Variants in FAT3 observed in about 807,000 individuals in gnomAD.
The protein encoded by FAT3 is FAT atypical cadherin 3.
Under a neutral mutation model 310.2 loss-of-function variants are expected in FAT3, and 95 were observed. That is an observed-to-expected ratio of 0.31 (90% CI 0.26 to 0.36). The LOEUF is 0.36. Ranked by LOEUF, FAT3 falls within the 10% of genes least tolerant of loss-of-function variation. FAT3 has a pLI of 1.00. For synonymous variants in FAT3, 2,314 were observed against 2,192.9 expected (o/e 1.06, Z -1.54); for missense variants, 5,408 against 5,715.6 (o/e 0.95, Z 1.74).
chr11:92,794,327 G>GT (rs1267969660), intron 9 of FAT3, among the ~76,000 whole-genome samples: 1 of 151,878 alleles, frequency 6.6e-6, no homozygotes, highest in African/African-American at 2.4e-5. Context: ...TCTTTCTATG[G>GT]TTTTTTCCAA....
chr11:92,225,271 C>T (rs1451766588), intron 1 of FAT3, among the ~76,000 whole-genome samples, 97 bp downstream of exon 1: 1 of 152,160 alleles, frequency 6.6e-6, no homozygotes, highest in Non-Finnish European at 1.5e-5. Flanking sequence ...TGCAAATGGG[C>T]TGCGAGGTGG....
chr11:92,803,003 A>G (rs1195958105), intron 10 of FAT3, among the ~76,000 whole-genome samples: 1 of 147,810 alleles, frequency 6.8e-6, no homozygotes, highest in Non-Finnish European at 1.5e-5. Context: ...TTCCCCTTGA[A>G]ACACTTTATG....
At chr11:92,629,319 A>G (rs1445600690) in intron 3 of FAT3, among the ~76,000 whole-genome samples, 1 of 152,066 alleles carries the variant, frequency 6.6e-6, no homozygotes, top group Non-Finnish European at 1.5e-5. Context: ...CTGACATTTT[A>G]TCAAGCTCTT....
At chr11:92,423,517 G>C (rs1394699940) in intron 2 of FAT3, among the ~76,000 whole-genome samples, 1 of 152,138 alleles carries the variant, frequency 6.6e-6, no homozygotes, top group Admixed American at 6.6e-5. Context: ...CTGAGGGAAA[G>C]GGCTACCTCT....
At chr11:92,448,238 T>A (rs1386199249) in intron 2 of FAT3, among the ~76,000 whole-genome samples, 1 of 152,196 alleles carries the variant, frequency 6.6e-6, no homozygotes, top group African/African-American at 2.4e-5. Context: ...CTGTTAGCTG[T>A]CATAATCTAC....
chr11:92,590,911 T>G (rs1047483814), intron 3 of FAT3, among the ~76,000 whole-genome samples: 3 of 152,242 alleles, frequency 2.0e-5, no homozygotes, highest in South Asian at 2.1e-4. Flanking sequence ...TAAACTGTAC[T>G]AAGTCGATTA....
intron 3 of FAT3, among the ~76,000 whole-genome samples, chr11:92,659,059 T>C (rs774387573): frequency 4.4e-4 from 67 of 152,108 alleles, no homozygotes; most frequent in South Asian, 2.1e-4. Context: ...CACTAAATTC[T>C]TGTACTACAT....
At chr11:92,421,758 C>A (rs1950537516) in intron 2 of FAT3, among the ~76,000 whole-genome samples, 1 of 152,152 alleles carries the variant, frequency 6.6e-6, no homozygotes, top group Non-Finnish European at 1.5e-5. Flanking sequence ...AGGACTGAGT[C>A]AACTCTCCGT....
At chr11:92,706,081 G>A (rs555849889) in intron 4 of FAT3, among the ~76,000 whole-genome samples, 1 of 151,848 alleles carries the variant, frequency 6.6e-6, no homozygotes, top group Admixed American at 6.6e-5. Context: ...GACTGTGATG[G>A]TGGAGATGGT....
chr11:92,428,685 G>T (rs562959321), intron 2 of FAT3, among the ~76,000 whole-genome samples: 208 of 152,242 alleles, frequency 1.4e-3, no homozygotes, highest in Middle Eastern at 6.8e-3. Context: ...CCATATAGTT[G>T]TGCAGTTTTG....
At chr11:92,533,385 G>C (rs1954143964) in intron 3 of FAT3, among the ~76,000 whole-genome samples, 1 of 152,130 alleles carries the variant, frequency 6.6e-6, no homozygotes, top group Non-Finnish European at 1.5e-5. Flanking sequence ...CTTGGGCTAA[G>C]TGCGAACTAG....
chr11:92,342,187 G>A (rs1224021257), intron 1 of FAT3, among the ~76,000 whole-genome samples: 1 of 152,128 alleles, frequency 6.6e-6, no homozygotes, highest in East Asian at 1.9e-4. Context: ...ACTTCAGGAT[G>A]TCTTATCATT....
At chr11:92,430,693 A>G (rs1431843022) in intron 2 of FAT3, among the ~76,000 whole-genome samples, 2 of 151,752 alleles carry the variant, frequency 1.3e-5, no homozygotes, top group African/African-American at 4.8e-5. Context: ...CTGGTGTGTG[A>G]TGTTCCCTTT....
At chr11:92,379,025 G>C (rs527418474) in intron 2 of FAT3, among the ~76,000 whole-genome samples, 2 of 152,108 alleles carry the variant, frequency 1.3e-5, no homozygotes, top group African/African-American at 4.8e-5. Flanking sequence ...TGCACAAAAC[G>C]TTCAGACAAT....
At chr11:92,250,053 G>A (rs1865075897) in intron 1 of FAT3, among the ~76,000 whole-genome samples, 1 of 152,102 alleles carries the variant, frequency 6.6e-6, no homozygotes, top group Admixed American at 6.6e-5. Flanking sequence ...ATAATTTTAT[G>A]AGTTGAAGTC....
At chr11:92,651,890 A>G (rs1452887205) in intron 3 of FAT3, among the ~76,000 whole-genome samples, 1 of 152,214 alleles carries the variant, frequency 6.6e-6, no homozygotes, top group East Asian at 1.9e-4. Context: ...TCAAACATCT[A>G]AGCATCTAGG....
chr11:92,374,725 C>T (rs1949294651), intron 2 of FAT3, among the ~76,000 whole-genome samples: 1 of 152,182 alleles, frequency 6.6e-6, no homozygotes, highest in Admixed American at 6.5e-5. Context: ...CCCTTCACTC[C>T]ATCATGCCTG....
chr11:92,622,116 T>C (rs565805450), intron 3 of FAT3, among the ~76,000 whole-genome samples: 4 of 152,044 alleles, frequency 2.6e-5, no homozygotes, highest in Non-Finnish European at 5.9e-5. Context: ...TGAAACCCCG[T>C]CTCTACTAAA....
intron 1 of FAT3, among the ~76,000 whole-genome samples, chr11:92,308,067 G>T (rs1213679129): frequency 6.6e-6 from 1 of 152,014 alleles, no homozygotes; most frequent in Non-Finnish European, 1.5e-5. Context: ...TCTGAAATCA[G>T]AGGATTAGTA....
Sources: gnomAD v4.1 joint callset for allele counts (sites outside exome capture counted in the v4.1 genomes callset) on GRCh38, gnomAD v4.1.1 for gene constraint, MANE v1.5 for transcripts, NCBI Gene and HGNC (gene_info 2026-07-23, HGNC 2026-07-21) for gene names.